The following PDE3A variants were observed in gnomAD, a reference collection of about 807,000 sequenced individuals.
The protein encoded by PDE3A is phosphodiesterase 3A.
In PDE3A, 43 loss-of-function variants were observed where a neutral mutation model predicts 98.3. That is an observed-to-expected ratio of 0.44 (90% CI 0.34 to 0.56). PDE3A has a LOEUF of 0.56. PDE3A is among the 20% of genes least tolerant of loss of function. The pLI is 0.01. For synonymous variants in PDE3A, 663 were observed against 567.9 expected, an observed-to-expected ratio of 1.17 and a Z score of -2.38; for missense variants, 1,427 against 1,440.7, an observed-to-expected ratio of 0.99 and a Z score of 0.15.
intron 1 of PDE3A, among the ~76,000 whole-genome samples, chr12:20,452,039 T>C (rs1270128008): frequency 6.6e-6 from 1 of 152,188 alleles, no homozygotes; most frequent in Non-Finnish European, 1.5e-5. Flanking sequence ...TCTGCTCCGA[T>C]AGGTCTCAGC....
In PDE3A at chr12:20,531,043, C is replaced by A. The variant is rs541703349; in HGVS notation, c.961-25617C>A. 2.0e-5 allele frequency among the ~76,000 whole-genome samples: 3 copies of A among 152,236 alleles called. No individual in the cohort carries two copies. The South Asian group carries it at 6.2e-4, about 32-fold the overall frequency. ...ACCCCAAAGTAGGTTGCTTGAAGTTCCCAGAGGCTAAGAGGGTTCCCCCTA... is the reference window on the plus strand; with the variant it reads ...ACCCCAAAGTAGGTTGCTTGAAGTTACCAGAGGCTAAGAGGGTTCCCCCTA... On this transcript the variant is annotated intron_variant, in intron 1 of 15. Coordinates refer to ENST00000359062, the MANE Select transcript of PDE3A (RefSeq NM_000921.5).
intron 1 of PDE3A, among the ~76,000 whole-genome samples, chr12:20,526,901 T>C (rs1442047140): frequency 1.3e-5 from 2 of 149,334 alleles, no homozygotes; most frequent in African/African-American, 5.0e-5. Flanking sequence ...TGTGTGTGTG[T>C]GTGTGTGTGT....
chr12:20,412,400 A>C (rs1944349193), intron 1 of PDE3A, among the ~76,000 whole-genome samples: 1 of 152,172 alleles, frequency 6.6e-6, no homozygotes, highest in South Asian at 2.1e-4. Flanking sequence ...ATATTTAAGA[A>C]ATTATTAGTG....
intron 15 of PDE3A, among the ~76,000 whole-genome samples, chr12:20,658,663 C>G (rs1223364038): frequency 6.6e-6 from 1 of 152,200 alleles, no homozygotes; most frequent in African/African-American, 2.4e-5. Context: ...TAAAGTTAGG[C>G]TCCTACCTCC....
At chr12:20,461,112 A>G (rs1336311813) in intron 1 of PDE3A, among the ~76,000 whole-genome samples, 1 of 151,898 alleles carries the variant, frequency 6.6e-6, no homozygotes, top group African/African-American at 2.4e-5. Flanking sequence ...TTTCTACTCT[A>G]ATGTTACTGA....
At chr12:20,542,094 G>A (rs1296741344) in intron 1 of PDE3A, among the ~76,000 whole-genome samples, 1 of 151,956 alleles carries the variant, frequency 6.6e-6, no homozygotes, top group Non-Finnish European at 1.5e-5. Context: ...AGCTGATTGG[G>A]GAGTAAGAAA....
rs1943790461 is a variant in PDE3A at position 20,386,166 on chromosome 12, TATATAAAA to T, written c.960+15928_960+15935del. On this transcript the variant is annotated intron_variant, in intron 1 of 15. Transcript: ENST00000359062. ...AAATATATATATAAATATATATAAA[TATATAAAA>T]ATATATATAAATATATATAAATATA... Among the ~76,000 whole-genome samples, 9 of 92,346 alleles carry T rather than the reference TATATAAAA, an allele frequency of 9.7e-5. No homozygotes were observed. The East Asian group carries it at 2.4e-3, about 25-fold the overall frequency. 60.6% of individuals were successfully genotyped at this position (92,346 alleles called of 152,430 possible). A position where few individuals can be genotyped will look rare whatever the true frequency, so the allele number is the denominator to read the frequency against.
At chr12:20,586,981 A>T (rs1017474119) in intron 2 of PDE3A, among the ~76,000 whole-genome samples, 3 of 152,114 alleles carry the variant, frequency 2.0e-5, no homozygotes, top group Non-Finnish European at 4.4e-5. Context: ...CTTTGCTGTT[A>T]ATGGTATTTG....
In PDE3A at chr12:20,616,063, C is replaced by G. The variant is rs1161482704; in HGVS notation, c.1270-167C>G. Among the ~76,000 whole-genome samples the G allele has an allele frequency of 2.1e-5, 3 of 143,484 alleles. No individual in the cohort carries two copies. In the East Asian group the frequency reaches 6.2e-4, roughly 30 times the overall value. 94.1% of individuals were successfully genotyped at this position (143,484 alleles called of 152,430 possible). ...TATGCATTCATTTTGGCCAGAGAGT[C>G]TTTTATTAAATTTCTGAGCACTCAA... On this transcript the variant is annotated intron_variant, in intron 3 of 15. Transcript: ENST00000359062.
chr12:20,537,248 ATTTTC>A (rs1941772445), intron 1 of PDE3A, among the ~76,000 whole-genome samples: 1 of 151,830 alleles, frequency 6.6e-6, no homozygotes, highest in African/African-American at 2.4e-5. Context: ...CAGTTAGATT[ATTTTC>A]TTTTCATTAT....
At chr12:20,502,425 T>C (rs1946040489) in intron 1 of PDE3A, among the ~76,000 whole-genome samples, 1 of 152,272 alleles carries the variant, frequency 6.6e-6, no homozygotes, top group African/African-American at 2.4e-5. Flanking sequence ...TATATGCCTA[T>C]GACTTAATCT....
intron 1 of PDE3A, among the ~76,000 whole-genome samples, chr12:20,438,894 C>T (rs368797017): frequency 1.2e-4 from 18 of 151,854 alleles, no homozygotes; most frequent in Non-Finnish European, 1.9e-4. Context: ...CAGGTTAAAG[C>T]GATTCTCCTG....
intron 1 of PDE3A, among the ~76,000 whole-genome samples, chr12:20,428,155 A>G (rs888813876): frequency 1.3e-5 from 2 of 152,246 alleles, no homozygotes; most frequent in East Asian, 3.9e-4. Context: ...TCTGAATGTC[A>G]TAATTCTGAA....
intron 1 of PDE3A, among the ~76,000 whole-genome samples, chr12:20,468,766 G>A (rs1196975845): frequency 1.3e-5 from 2 of 152,196 alleles, no homozygotes; most frequent in Admixed American, 1.3e-4. Context: ...TTAGTAGTGG[G>A]TTGGCAAGCA....
At chr12:20,670,185 A>C (rs1340767937) in intron 15 of PDE3A, among the ~76,000 whole-genome samples, 44 of 150,740 alleles carry the variant, frequency 2.9e-4, no homozygotes, top group East Asian at 1.4e-3. Context: ...AAGGAGCACC[A>C]AGATTCATAA....
intron 15 of PDE3A, among the ~76,000 whole-genome samples, chr12:20,667,279 T>A (rs1396052430): frequency 1.3e-5 from 2 of 152,186 alleles, no homozygotes; most frequent in Admixed American, 6.5e-5. Context: ...TCGTTTTTAG[T>A]TTAGTCCCAT....
At chr12:20,470,354 G>T (rs1040198024) in intron 1 of PDE3A, among the ~76,000 whole-genome samples, 1 of 152,112 alleles carries the variant, frequency 6.6e-6, no homozygotes, top group Admixed American at 6.6e-5. Flanking sequence ...GAGGCTCTGA[G>T]TTCAGTGGGA....
At chr12:20,547,455 T>A (rs1351745231) in intron 1 of PDE3A, among the ~76,000 whole-genome samples, 1 of 152,212 alleles carries the variant, frequency 6.6e-6, no homozygotes, top group Admixed American at 6.5e-5. Flanking sequence ...AATGAGTACA[T>A]GATGAAATAG....
At chr12:20,561,904 T>C (rs572911998) in intron 2 of PDE3A, among the ~76,000 whole-genome samples, 2 of 152,362 alleles carry the variant, frequency 1.3e-5, no homozygotes, top group East Asian at 3.9e-4. Context: ...TATATTACTT[T>C]ATTCTCAGTA....
Sources: allele counts gnomAD v4.1 joint callset (sites outside exome capture counted in the v4.1 genomes callset), GRCh38; gene constraint gnomAD v4.1.1; transcripts MANE v1.5; gene names NCBI Gene and HGNC (gene_info 2026-07-23, HGNC 2026-07-21).